CREBBP: variants seen among roughly 807,000 people sequenced by gnomAD.
CREBBP encodes CREB binding lysine acetyltransferase.
Under a neutral mutation model 265.0 loss-of-function variants are expected in CREBBP, and 19 were observed. The observed-to-expected ratio is 0.07, with a 90% CI of 0.05 to 0.11. CREBBP has a LOEUF of 0.11. CREBBP is among the 10% of genes least tolerant of loss of function. The pLI, the probability that CREBBP is intolerant of heterozygous loss-of-function variation, is 1.00. For missense variants in CREBBP, 2,525 were observed against 3,219.0 expected, an observed-to-expected ratio of 0.78 and a Z score of 5.22; for synonymous variants, 1,457 against 1,223.7, an observed-to-expected ratio of 1.19 and a Z score of -3.98.
At chr16:3,734,576 A>G (rs2052002214) in intron 28 of CREBBP, among the ~76,000 whole-genome samples, 1 of 152,200 alleles carries the variant, frequency 6.6e-6, no homozygotes, top group Non-Finnish European at 1.5e-5. Flanking sequence ...ATGGAACTCA[A>G]GCATTAACTC....
chr16:3,801,989 G>T (rs370107314), intron 3 of CREBBP, among the ~76,000 whole-genome samples: 1 of 151,916 alleles, frequency 6.6e-6, no homozygotes, highest in Non-Finnish European at 1.5e-5. Context: ...ATCTTCACTC[G>T]GTTTAGCCAC....
At chr16:3,779,386 G>C (rs1375400558) in intron 8 of CREBBP, among the ~76,000 whole-genome samples, 2 of 152,064 alleles carry the variant, frequency 1.3e-5, no homozygotes, top group African/African-American at 2.4e-5. Flanking sequence ...TGTTGCCCCG[G>C]CTGGCCTGAA....
intron 24 of CREBBP, 141 bp downstream of exon 24, chr16:3,740,258 G>T: frequency 1.1e-6 from 1 of 939,628 alleles, no homozygotes; most frequent in Non-Finnish European, 1.7e-6. Context: ...GACAACCGCA[G>T]CTGAGGGGGC....
At chr16:3,843,504 T>A (rs1189044399) in intron 2 of CREBBP, among the ~76,000 whole-genome samples, 5 of 151,844 alleles carry the variant, frequency 3.3e-5, no homozygotes, top group Admixed American at 6.6e-5. Context: ...CACTGCAACT[T>A]TGCACTCCTG....
chr16:3,751,357 G>A (rs1436250344), intron 20 of CREBBP, among the ~76,000 whole-genome samples: 3 of 152,176 alleles, frequency 2.0e-5, no homozygotes, highest in Non-Finnish European at 4.4e-5. Flanking sequence ...GAAGGCCCAG[G>A]CAGGTGGATT....
rs956618131 is a variant in CREBBP, at chr16:3,774,768, T to A, written c.2159-75A>T. ...CAGAATTACAACTTGCTAAATAAAC[T>A]CTTAAGTAAAATAAGATGGAACGCA... is the stretch of plus-strand genomic sequence containing the variant. On this transcript the variant is annotated intron_variant, in intron 11 of 30. Coordinates refer to ENST00000262367, the MANE Select transcript of CREBBP (RefSeq NM_004380.3). 18 of 1,586,808 alleles carry A rather than the reference T, an allele frequency of 1.1e-5. No individual in the cohort carries two copies. In the African/African-American group the frequency reaches 2.2e-4, roughly 19 times the overall value.
intron 1 of CREBBP, among the ~76,000 whole-genome samples, chr16:3,868,616 G>A (rs780390655): frequency 6.6e-6 from 1 of 152,132 alleles, no homozygotes; most frequent in Admixed American, 6.6e-5. Flanking sequence ...GCCTTCAGAT[G>A]CCCAAGCTGA....
At chr16:3,773,234 T>C (rs1250693443) in intron 13 of CREBBP, among the ~76,000 whole-genome samples, 1 of 152,090 alleles carries the variant, frequency 6.6e-6, no homozygotes, top group Non-Finnish European at 1.5e-5. Context: ...AAGGAATAAA[T>C]GGAAAATCAA....
chr16:3,778,220 C>A, intron 9 of CREBBP, 38 bp from the exon 10 acceptor site: 1 of 1,508,372 alleles, frequency 6.6e-7, no homozygotes, highest in Non-Finnish European at 9.2e-7. Context: ...ACAGTTAAAA[C>A]TGTAAAAAGC....
rs2151316219 is a variant in CREBBP, at chr16:3,731,255, A to G, written c.5109T>C (p.Phe1703=). ...GCTTGCACTCGTTGCAGGTGTAGAC[A>G]AAGCGGTCCTGGCCCTGGGTGTGCA... ...VELHTQGQDR[F]VYTCNECKHH... is the part of the protein sequence containing the mutation. The change falls in exon 30 of 31, where the codon TTT becomes TTC. Residue 1703 remains phenylalanine (F), a synonymous_variant. Transcript: ENST00000262367. This position sits in a 1 kb window ranked among gnomAD's most constrained non-coding sequence, Gnocchi z 7.7. The G allele has an allele frequency of 6.2e-7, 1 of 1,614,122 alleles. No individual in the cohort carries two copies. Among genetic ancestry groups the G allele is most frequent in the Non-Finnish European group, 8.5e-7 (1 of 1,180,016 alleles).
At chr16:3,761,647 G>T in intron 16 of CREBBP, 1 of 507,328 alleles carries the variant, frequency 2.0e-6, no homozygotes, top group Non-Finnish European at 3.9e-6. Context: ...GCAGCCTGAG[G>T]TCCGGGCAAC....
intron 2 of CREBBP, among the ~76,000 whole-genome samples, chr16:3,824,738 C>CA (rs2054206193): frequency 6.6e-6 from 1 of 152,174 alleles, no homozygotes; most frequent in East Asian, 1.9e-4. Context: ...CTACAACTGC[C>CA]AAGCAGGCCG....
chr16:3,778,938 G>A (rs544837837), intron 8 of CREBBP, 121 bp from the exon 9 acceptor site: 8 of 762,896 alleles, frequency 1.0e-5, no homozygotes, highest in Admixed American at 1.9e-5. Context: ...AGGCTGAGGC[G>A]GGAGAATCAC....
At chr16:3,740,976 T>C (rs1214455495) in intron 23 of CREBBP, 1 of 338,456 alleles carries the variant, frequency 3.0e-6, no homozygotes, top group East Asian at 7.7e-5. Flanking sequence ...GAGTCTGACG[T>C]GAACGTGGAA....
chr16:3,790,777 G>A (rs1596941180), intron 5 of CREBBP, among the ~76,000 whole-genome samples: 4 of 152,160 alleles, frequency 2.6e-5, no homozygotes, highest in African/African-American at 4.8e-5. Context: ...CAGGGTCAGC[G>A]TCAGCTCGCT....
intron 3 of CREBBP, among the ~76,000 whole-genome samples, chr16:3,801,716 T>C (rs1030885440): frequency 2.0e-5 from 3 of 152,114 alleles, no homozygotes; most frequent in South Asian, 4.1e-4. Flanking sequence ...CTTGGGAAGA[T>C]GGTGTGATGC....
chr16:3,850,406 G>A lies in CREBBP; in HGVS notation c.689C>T (p.Ala230Val), dbSNP rs1308338382. 3 of 1,614,238 alleles carry A rather than the reference G, an allele frequency of 1.9e-6. No homozygotes were observed. Among genetic ancestry groups the A allele is most frequent in the South Asian group, 1.1e-5 (1 of 91,084 alleles). The change falls in exon 2 of 31, where the codon GCC becomes GTC. Residue 230 changes from alanine (A) to valine (V), a missense_variant. Ala to Val is a moderately conservative substitution (Grantham distance 64). Coordinates refer to ENST00000262367, the MANE Select transcript of CREBBP (RefSeq NM_004380.3). ...CACGCTGCTCGAGGCGCCCTGCATG[G>A]CTGGAGTAGGGTACGGCATTCCAGC... ...RGAGMPYPTP[A>V]MQGASSSVLA...
chr16:3,768,142 T>TTTTTTG (rs1567296502), intron 15 of CREBBP, among the ~76,000 whole-genome samples: 10 of 97,378 alleles, frequency 1.0e-4, no homozygotes, highest in African/African-American at 5.7e-4. Flanking sequence ...AAGTGTTTTT[T>TTTTTTG]TTTTTTTTTT....
At chr16:3,798,986 A>G (rs1485975970) in intron 3 of CREBBP, among the ~76,000 whole-genome samples, 2 of 152,130 alleles carry the variant, frequency 1.3e-5, no homozygotes, top group Non-Finnish European at 2.9e-5. Context: ...CCAAAACGGA[A>G]TATTATTCAA....
Sources: gnomAD v4.1 joint callset for allele counts (sites outside exome capture counted in the v4.1 genomes callset) on GRCh38, gnomAD v4.1.1 for gene constraint, Gnocchi (gnomAD v3.1) non-coding constraint, MANE v1.5 for transcripts, NCBI Gene and HGNC (gene_info 2026-07-23, HGNC 2026-07-21) for gene names.